Variants in OPCML observed in about 807,000 individuals in gnomAD.
The protein encoded by OPCML is opioid-binding protein/cell adhesion molecule.
A neutral mutation model predicts 37.8 loss-of-function variants in OPCML; 13 were observed. That is an observed-to-expected ratio of 0.34 (90% CI 0.22 to 0.55). The LOEUF is 0.55. Ranked by LOEUF, OPCML falls within the 20% of genes least tolerant of loss-of-function variation. The pLI is 0.91. For missense variants in OPCML, 341 were observed against 435.6 expected (o/e 0.78, Z 1.93); for synonymous variants, 176 against 168.8 (o/e 1.04, Z -0.33).
intron 1 of OPCML, among the ~76,000 whole-genome samples, chr11:133,403,232 A>C (rs1296407194): frequency 6.6e-6 from 1 of 152,226 alleles, no homozygotes; most frequent in Non-Finnish European, 1.5e-5. Flanking sequence ...AATTATTGTA[A>C]GGGTCAAATA....
At chr11:132,608,603 A>G (rs943431528) in intron 3 of OPCML, among the ~76,000 whole-genome samples, 3 of 151,728 alleles carry the variant, frequency 2.0e-5, no homozygotes, top group African/African-American at 7.3e-5. Flanking sequence ...GTGGAAGAGA[A>G]TTAATAAAAA....
At chr11:133,060,693 GT>G (rs1948326246) in intron 1 of OPCML, among the ~76,000 whole-genome samples, 1 of 152,238 alleles carries the variant, frequency 6.6e-6, no homozygotes, top group Non-Finnish European at 1.5e-5. Flanking sequence ...AAGATTCTAC[GT>G]TTTCCTGAAG....
At chr11:133,310,990 G>A (rs1450578564) in intron 1 of OPCML, among the ~76,000 whole-genome samples, 1 of 152,182 alleles carries the variant, frequency 6.6e-6, no homozygotes, top group Non-Finnish European at 1.5e-5. Flanking sequence ...GAGCTTACCT[G>A]AATATTTTAG....
intron 2 of OPCML, among the ~76,000 whole-genome samples, chr11:132,675,464 A>G (rs1942661936): frequency 6.6e-6 from 1 of 152,134 alleles, no homozygotes; most frequent in East Asian, 1.9e-4. Context: ...GTGATATAAA[A>G]GGCACCCAGT....
At chr11:132,485,257 C>G (rs2137039911) in intron 4 of OPCML, among the ~76,000 whole-genome samples, 1 of 152,264 alleles carries the variant, frequency 6.6e-6, no homozygotes, top group Non-Finnish European at 1.5e-5. Context: ...ATGCATTTAC[C>G]TCATAAATAA....
intron 1 of OPCML, among the ~76,000 whole-genome samples, chr11:133,512,206 C>T (rs181503816): frequency 6.6e-6 from 1 of 152,206 alleles, no homozygotes; most frequent in African/African-American, 2.4e-5. Context: ...AGGATTTGTC[C>T]CAAACCTACT....
chr11:132,612,243 C>G (rs1938694163), intron 3 of OPCML, among the ~76,000 whole-genome samples: 1 of 152,116 alleles, frequency 6.6e-6, no homozygotes. Context: ...ACCTTTTTCC[C>G]TTGGAACGAA....
chr11:133,442,423 G>T (rs938717526), intron 1 of OPCML, among the ~76,000 whole-genome samples: 3 of 151,974 alleles, frequency 2.0e-5, no homozygotes, highest in Non-Finnish European at 4.4e-5. Flanking sequence ...CTTGACCCAA[G>T]AATTCCACTT....
intron 3 of OPCML, among the ~76,000 whole-genome samples, chr11:132,623,658 G>A (rs762163442): frequency 9.2e-5 from 14 of 152,154 alleles, no homozygotes; most frequent in Non-Finnish European, 1.9e-4. Context: ...GAAAATGTGT[G>A]GGTGGGCAGG....
At chr11:133,422,796 TAAAAG>T (rs1348215866) in intron 1 of OPCML, 7 of 896,342 alleles carry the variant, frequency 7.8e-6, no homozygotes, top group Non-Finnish European at 8.0e-6. Context: ...TATTACAAAA[TAAAAG>T]AAACTCTTTT....
intron 1 of OPCML, among the ~76,000 whole-genome samples, chr11:132,988,303 C>A (rs186965549): frequency 2.0e-5 from 3 of 152,278 alleles, no homozygotes; most frequent in South Asian, 4.1e-4. Context: ...GCATAAAGTG[C>A]TAATTTACTC....
At chr11:132,745,604 G>GAA (rs896705065) in intron 2 of OPCML, among the ~76,000 whole-genome samples, 1 of 140,246 alleles carries the variant, frequency 7.1e-6, no homozygotes. Flanking sequence ...AAGAAAGAAA[G>GAA]AAAAAAAAAG....
chr11:133,339,170 AT>A (rs1943808221), intron 1 of OPCML, among the ~76,000 whole-genome samples: 1 of 152,182 alleles, frequency 6.6e-6, no homozygotes, highest in Non-Finnish European at 1.5e-5. Context: ...GCAAAATATG[AT>A]TTTATTATTA....
At chr11:133,088,257 T>G (rs759343664) in intron 1 of OPCML, among the ~76,000 whole-genome samples, 1 of 152,166 alleles carries the variant, frequency 6.6e-6, no homozygotes, top group Non-Finnish European at 1.5e-5. Flanking sequence ...CTTCATGGTT[T>G]TCCATTGACT....
At chr11:133,229,113 C>T (rs1333078999) in intron 1 of OPCML, among the ~76,000 whole-genome samples, 1 of 152,100 alleles carries the variant, frequency 6.6e-6, no homozygotes, top group Admixed American at 6.6e-5. Flanking sequence ...CAGCAAAGGC[C>T]CCCCGGAGAG....
intron 1 of OPCML, among the ~76,000 whole-genome samples, chr11:133,044,370 A>G (rs1290747887): frequency 6.6e-6 from 1 of 152,146 alleles, no homozygotes; most frequent in Non-Finnish European, 1.5e-5. Context: ...GTAAGCTATG[A>G]CTCTTGAGCA....
chr11:132,776,878 C>T (rs988662118), intron 2 of OPCML, among the ~76,000 whole-genome samples: 3 of 152,096 alleles, frequency 2.0e-5, no homozygotes, highest in African/African-American at 7.2e-5. Flanking sequence ...AGTTGTTGCT[C>T]ATCGCTCTCT....
chr11:133,491,721 C>T (rs1947666064), intron 1 of OPCML, among the ~76,000 whole-genome samples: 1 of 152,272 alleles, frequency 6.6e-6, no homozygotes, highest in Middle Eastern at 3.4e-3. Flanking sequence ...ACCAGAACCC[C>T]TTTTCTGGCC....
intron 2 of OPCML, among the ~76,000 whole-genome samples, chr11:132,825,794 T>C (rs1308587891): frequency 6.6e-6 from 1 of 152,194 alleles, no homozygotes; most frequent in East Asian, 1.9e-4. Context: ...AAGGGAAAAG[T>C]TCCAGTAGAG....
Sources: gnomAD v4.1 joint callset for allele counts (sites outside exome capture counted in the v4.1 genomes callset) on GRCh38, gnomAD v4.1.1 for gene constraint, MANE v1.5 for transcripts, NCBI Gene and HGNC (gene_info 2026-07-23, HGNC 2026-07-21) for gene names.